MSRA: variants seen among roughly 807,000 people sequenced by gnomAD.
The protein encoded by MSRA is mitochondrial peptide methionine sulfoxide reductase.
MSRA carries 54 observed loss-of-function variants against 31.3 expected under a neutral mutation model. That is an observed-to-expected ratio of 1.73 (90% CI 1.39 to 2.17). The LOEUF (loss-of-function observed/expected upper bound fraction) is 2.17. Among genes scored for constraint, MSRA ranks in the 30% most tolerant of loss-of-function variants. The probability of loss-of-function intolerance (pLI) is 0.00; values close to 1 mark genes in which losing one functional copy is unlikely to be tolerated. For missense variants in MSRA, 507 were observed against 300.9 expected (o/e 1.69, Z -5.07); for synonymous variants, 169 against 116.5 (o/e 1.45, Z -2.90).
intron 3 of MSRA, among the ~76,000 whole-genome samples, chr8:10,252,271 G>C (rs756613180): frequency 4.6e-5 from 7 of 152,166 alleles, no homozygotes; most frequent in Non-Finnish European, 1.0e-4. Flanking sequence ...AAAGAAGTTC[G>C]AATCGTACAC....
At chr8:10,375,446 C>G (rs1312651957) in intron 5 of MSRA, among the ~76,000 whole-genome samples, 1 of 152,230 alleles carries the variant, frequency 6.6e-6, no homozygotes, top group Non-Finnish European at 1.5e-5. Flanking sequence ...ACGCTTCTAT[C>G]TTCGTGCCCC....
chr8:10,063,634 G>A (rs767611981), intron 1 of MSRA, among the ~76,000 whole-genome samples: 39 of 152,298 alleles, frequency 2.6e-4, no homozygotes, highest in Admixed American at 9.1e-4. Context: ...GCATGAGTGG[G>A]ATTAGTGCCC....
intron 3 of MSRA, among the ~76,000 whole-genome samples, chr8:10,293,719 G>C (rs1422390020): frequency 6.6e-6 from 1 of 151,834 alleles, no homozygotes; most frequent in African/African-American, 2.4e-5. Flanking sequence ...CTCCCCTCCT[G>C]CTTCCTCCCC....
Position 10,213,989 on chromosome 8 carries a change from G to A in MSRA, c.211+6088G>A, listed in dbSNP as rs553689644. The stretch of plus-strand genomic sequence containing the variant: ...AAGCAGCAACAGCAGAAGTACCTCT[G>A]CAAATTCTTTGGGTTGTCGTGAGTT... On this transcript the variant is annotated intron_variant, in intron 2 of 5. Coordinates refer to ENST00000317173, the MANE Select transcript of MSRA (RefSeq NM_012331.5). 6.5e-4 allele frequency among the ~76,000 whole-genome samples: 99 copies of A among 152,234 alleles called. 1 individual carries two copies. The highest frequency in any genetic ancestry group is 2.1e-3 in the African/African-American group (86 of 41,546).
intron 1 of MSRA, among the ~76,000 whole-genome samples, chr8:10,150,574 A>G (rs1803576828): frequency 6.6e-6 from 1 of 152,234 alleles, no homozygotes; most frequent in Non-Finnish European, 1.5e-5. Context: ...GTGTTAATAT[A>G]TGACCTCAAA....
intron 2 of MSRA, among the ~76,000 whole-genome samples, chr8:10,234,897 C>G (rs563832178): frequency 6.6e-6 from 1 of 152,014 alleles, no homozygotes; most frequent in East Asian, 1.9e-4. Flanking sequence ...CTTGTGTATG[C>G]TAATAGCATA....
chr8:10,391,209 G>C (rs940499511), intron 5 of MSRA, among the ~76,000 whole-genome samples: 1 of 152,122 alleles, frequency 6.6e-6, no homozygotes, highest in Non-Finnish European at 1.5e-5. Flanking sequence ...TAAGTCATTG[G>C]TCACACACCC....
chr8:10,191,708 T>G (rs1034112401), intron 1 of MSRA, among the ~76,000 whole-genome samples: 2 of 152,024 alleles, frequency 1.3e-5, no homozygotes, highest in Non-Finnish European at 2.9e-5. Context: ...TGTAAATCAG[T>G]TAGACTGGAA....
In MSRA at chr8:10,245,104, G is replaced by C. The variant is rs928273058; in HGVS notation, c.212G>C (p.Gly71Ala). Residue 71 changes from glycine to alanine, a missense_variant and splice_region_variant, in exon 3 of 6, where the codon GGA (glycine) becomes GCA (alanine). Coordinates refer to ENST00000317173, the MANE Select transcript of MSRA (RefSeq NM_012331.5). ...TTTTTTTTCTTTTTTCTTTTTTAAG[G>C]AATGGGATGTTTCTGGGGAGCTGAA... Reference protein sequence around the residue: ...FPEGTQMAVFGMGCFWGAERK... With the variant: ...FPEGTQMAVFAMGCFWGAERK... 6.2e-7 allele frequency: 1 copy of C among 1,610,700 alleles called. No individual in the cohort carries two copies. Among genetic ancestry groups the C allele is most frequent in the African/African-American group, 1.3e-5 (1 of 74,470 alleles).
chr8:10,391,743 G>C (rs1291346555), intron 5 of MSRA, among the ~76,000 whole-genome samples: 1 of 152,176 alleles, frequency 6.6e-6, no homozygotes, highest in Non-Finnish European at 1.5e-5. Context: ...CCTGCCGTAG[G>C]GTCCAAGAAG....
intron 5 of MSRA, among the ~76,000 whole-genome samples, chr8:10,336,452 A>G (rs867341091): frequency 6.8e-6 from 1 of 146,566 alleles, no homozygotes; most frequent in East Asian, 2.0e-4. Context: ...TTTTTTTTTC[A>G]TTTTCATTTC....
chr8:10,261,618 A>T (rs1342347298), intron 3 of MSRA, among the ~76,000 whole-genome samples: 2 of 152,168 alleles, frequency 1.3e-5, no homozygotes. Context: ...CAGAGTTCCA[A>T]TGTTACCGCC....
At chr8:10,378,117 G>A (rs563716950) in intron 5 of MSRA, among the ~76,000 whole-genome samples, 2 of 152,366 alleles carry the variant, frequency 1.3e-5, no homozygotes, top group South Asian at 2.1e-4. Context: ...CAGGGCGGAA[G>A]CAGGGAGAAA....
At chr8:10,192,074 G>A (rs1186508823) in intron 1 of MSRA, among the ~76,000 whole-genome samples, 2 of 152,086 alleles carry the variant, frequency 1.3e-5, no homozygotes, top group Non-Finnish European at 2.9e-5. Flanking sequence ...CTCTTCATAG[G>A]GCTGCCTTAC....
rs1011791823 is a variant in MSRA at position 10,218,386 on chromosome 8, C to A, written c.211+10485C>A. Among the ~76,000 whole-genome samples, 12 of 152,180 alleles carry A rather than the reference C, an allele frequency of 7.9e-5. No individual in the cohort carries two copies. In the South Asian group the frequency reaches 2.3e-3, roughly 29 times the overall value. On this transcript the variant is annotated intron_variant, in intron 2 of 5. Transcript: ENST00000317173. ...TGTCTAACTCCTGAACTCAGGCGAT[C>A]CACCCGTCTCAGCCTCCCAAAATGC...
chr8:10,141,999 C>G (rs1042699874), intron 1 of MSRA, among the ~76,000 whole-genome samples: 1 of 152,152 alleles, frequency 6.6e-6, no homozygotes, highest in Non-Finnish European at 1.5e-5. Flanking sequence ...GCACTTGTTT[C>G]CCAGTCTGGA....
chr8:10,062,102 G>A (rs911530357), intron 1 of MSRA, among the ~76,000 whole-genome samples: 1 of 152,188 alleles, frequency 6.6e-6, no homozygotes, highest in Non-Finnish European at 1.5e-5. Context: ...GTGAGTGGCC[G>A]CCAGGCCCTC....
At chr8:10,320,643 C>T (rs115794790) in intron 5 of MSRA, among the ~76,000 whole-genome samples, 74 of 152,248 alleles carry the variant, frequency 4.9e-4, no homozygotes, top group African/African-American at 1.7e-3. Flanking sequence ...TTGTAACAAA[C>T]AGTCACAGCC....
chr8:10,401,712 A>G (rs1317757831), intron 5 of MSRA, among the ~76,000 whole-genome samples: 2 of 152,186 alleles, frequency 1.3e-5, no homozygotes, highest in East Asian at 1.9e-4. Flanking sequence ...TAGATACGCA[A>G]TGGACTGCAG....
Sources: allele counts gnomAD v4.1 joint callset (sites outside exome capture counted in the v4.1 genomes callset), GRCh38; gene constraint gnomAD v4.1.1; transcripts MANE v1.5; gene names NCBI Gene and HGNC (gene_info 2026-07-23, HGNC 2026-07-21).